Variants in NTN1 observed in about 807,000 individuals in gnomAD.
The protein encoded by NTN1 is netrin 1, also known as netrin-1.
In NTN1, 11 loss-of-function variants were observed where a neutral mutation model predicts 54.2. The ratio of observed to expected loss-of-function variants is 0.20; its 90% confidence interval spans 0.13 to 0.34. The LOEUF (loss-of-function observed/expected upper bound fraction) is 0.34, where lower values mean the gene tolerates loss of function less well. Ranked by LOEUF, NTN1 falls within the 10% of genes least tolerant of loss-of-function variation. The probability of loss-of-function intolerance (pLI) is 1.00; values close to 1 mark genes in which losing one functional copy is unlikely to be tolerated. For synonymous variants in NTN1, 371 were observed against 382.0 expected, an observed-to-expected ratio of 0.97 and a Z score of 0.33; for missense variants, 740 against 893.1, an observed-to-expected ratio of 0.83 and a Z score of 2.18.
At chr17:9,118,285 C>T (rs2092220969) in intron 2 of NTN1, among the ~76,000 whole-genome samples, 2 of 152,112 alleles carry the variant, frequency 1.3e-5, no homozygotes. Flanking sequence ...TCTGTGAGGC[C>T]GAGGTGGGTG....
chr17:9,234,964 G>GATTT (rs1555580090), intron 6 of NTN1, among the ~76,000 whole-genome samples: 1 of 130,072 alleles, frequency 7.7e-6, no homozygotes, highest in African/African-American at 3.0e-5. Flanking sequence ...TTGTTTTTTG[G>GATTT]TTTTTTTTTT....
intron 3 of NTN1, among the ~76,000 whole-genome samples, chr17:9,163,807 A>G (rs1302052556): frequency 6.6e-6 from 1 of 152,218 alleles, no homozygotes; most frequent in East Asian, 1.9e-4. Flanking sequence ...ACCCCACAAA[A>G]TCTTTTGGGA....
At chr17:9,052,612 G>T (rs2091964769) in intron 2 of NTN1, among the ~76,000 whole-genome samples, 1 of 152,166 alleles carries the variant, frequency 6.6e-6, no homozygotes, top group Non-Finnish European at 1.5e-5. Context: ...TAAGGCTGCA[G>T]GTAAAAATAT....
intron 2 of NTN1, among the ~76,000 whole-genome samples, chr17:9,038,214 T>A (rs1025991253): frequency 1.5e-5 from 2 of 129,464 alleles, no homozygotes; most frequent in Non-Finnish European, 3.3e-5. Context: ...TCGGACTCTC[T>A]CTCTCTGTGT....
chr17:9,239,575 C>G lies in NTN1; in HGVS notation c.1487-65C>G. 6.6e-7 allele frequency: 1 copy of G among 1,521,444 alleles called. No individual in the cohort carries two copies. The highest frequency in any genetic ancestry group is 1.2e-5 in the South Asian group (1 of 83,088). The allele number at this position is 1,521,444 out of a possible 1,614,324, so 94.2% of individuals were successfully genotyped here. A position where few individuals can be genotyped will look rare whatever the true frequency, so the allele number is the denominator to read the frequency against. ...GGGTCTCCTTTCCCTTCTCCCCAGGCTCAGGCAGGGCGGACCTAGCCACAG... is the reference window on the plus strand; with the variant it reads ...GGGTCTCCTTTCCCTTCTCCCCAGGGTCAGGCAGGGCGGACCTAGCCACAG... On this transcript the variant is annotated intron_variant, in intron 6 of 6. Transcript: ENST00000173229. This position sits in a 1 kb window ranked among gnomAD's most constrained non-coding sequence, Gnocchi z 5.2.
chr17:9,139,993 C>G (rs1000468827), intron 2 of NTN1, among the ~76,000 whole-genome samples: 3 of 152,068 alleles, frequency 2.0e-5, no homozygotes, highest in Admixed American at 6.6e-5. Context: ...GTTCAATCAA[C>G]CCTTACTCTG....
intron 2 of NTN1, among the ~76,000 whole-genome samples, chr17:9,030,523 G>T (rs773257756): frequency 6.6e-6 from 1 of 152,154 alleles, no homozygotes; most frequent in African/African-American, 2.4e-5. Flanking sequence ...GAGGCAGGGG[G>T]ATCACGAGGT....
intron 3 of NTN1, among the ~76,000 whole-genome samples, chr17:9,163,459 C>A (rs1473857649): frequency 8.6e-6 from 1 of 116,640 alleles, no homozygotes; most frequent in African/African-American, 3.3e-5. Flanking sequence ...GTGCGCACCG[C>A]CCCTCACTCC....
rs1420370454 is a variant in NTN1 at position 9,022,721 on chromosome 17, C to G, written c.348C>G (p.Asn116Lys). ...AFLTDLNNPH[N>K]LTCWQSENYL... ...TCACCGACCTCAACAACCCGCACAA[C>G]CTGACGTGCTGGCAGTCCGAGAACT... is the stretch of plus-strand genomic sequence containing the variant. Residue 116 changes from asparagine (N) to lysine (K), a missense_variant, in exon 2 of 7, where the codon AAC (asparagine) becomes AAG (lysine). Physicochemically the swap from Asn to Lys is moderately conservative, Grantham distance 94. Transcript: ENST00000173229. The G allele has an allele frequency of 1.9e-6, 3 of 1,605,126 alleles. No individual in the cohort carries two copies. The highest frequency in any genetic ancestry group is 3.4e-5 in the Admixed American group (2 of 59,246).
At chr17:9,116,394 C>T (rs1164617256) in intron 2 of NTN1, among the ~76,000 whole-genome samples, 2 of 144,694 alleles carry the variant, frequency 1.4e-5, no homozygotes, top group African/African-American at 5.0e-5. Flanking sequence ...CTCCAGAAGT[C>T]GAGCTGGGTG....
chr17:9,031,756 C>A (rs990174951), intron 2 of NTN1, among the ~76,000 whole-genome samples: 1 of 151,910 alleles, frequency 6.6e-6, no homozygotes, highest in African/African-American at 2.4e-5. Flanking sequence ...ACCAGCCTGG[C>A]CAACATGGTG....
intron 2 of NTN1, among the ~76,000 whole-genome samples, chr17:9,143,904 T>A (rs1030626307): frequency 6.6e-6 from 1 of 152,074 alleles, no homozygotes. Flanking sequence ...CCTGCTTTTT[T>A]TTTTTTTTTG....
intron 2 of NTN1, among the ~76,000 whole-genome samples, chr17:9,162,134 G>A (rs1435895436): frequency 5.3e-5 from 8 of 152,162 alleles, no homozygotes; most frequent in East Asian, 1.9e-4. Context: ...GGCAGCCTCC[G>A]GAAGCTGGAC....
At chr17:9,015,312 G>A in the NTN1 span, among the ~76,000 whole-genome samples, 1 of 152,152 alleles carries the variant, frequency 6.6e-6, no homozygotes, top group Non-Finnish European at 1.5e-5. Flanking sequence ...TTGGGAGGCT[G>A]AGGCAGGAGA....
At chr17:9,098,099 G>A (rs562842821) in intron 2 of NTN1, among the ~76,000 whole-genome samples, 2 of 152,306 alleles carry the variant, frequency 1.3e-5, no homozygotes, top group East Asian at 3.9e-4. Context: ...TATCATGACT[G>A]TAGAGTGGAC....
chr17:9,127,128 G>A (rs1298436782), intron 2 of NTN1, among the ~76,000 whole-genome samples: 1 of 151,840 alleles, frequency 6.6e-6, no homozygotes, highest in Admixed American at 6.6e-5. Context: ...GGAAGCTAAG[G>A]GGGTGTGTGT....
chr17:9,157,387 AG>A (rs1413378359), intron 2 of NTN1, among the ~76,000 whole-genome samples: 3 of 152,214 alleles, frequency 2.0e-5, no homozygotes, highest in Non-Finnish European at 4.4e-5. Flanking sequence ...GGGAGTGGGA[AG>A]GGGTTGAGCA....
chr17:9,044,043 G>A (rs1170788454), intron 2 of NTN1, among the ~76,000 whole-genome samples: 2 of 152,012 alleles, frequency 1.3e-5, no homozygotes, highest in African/African-American at 4.8e-5. Context: ...CTCTAGAGTA[G>A]CGTTGACCAC....
chr17:9,053,415 A>G (rs928296927), intron 2 of NTN1, among the ~76,000 whole-genome samples: 4 of 152,242 alleles, frequency 2.6e-5, no homozygotes, highest in African/African-American at 9.6e-5. Flanking sequence ...TTACTTTATT[A>G]GAAATTAATC....
Sources: gnomAD v4.1 joint callset for allele counts (sites outside exome capture counted in the v4.1 genomes callset) on GRCh38, gnomAD v4.1.1 for gene constraint, Gnocchi (gnomAD v3.1) non-coding constraint, MANE v1.5 for transcripts, NCBI Gene and HGNC (gene_info 2026-07-23, HGNC 2026-07-21) for gene names.